RBFOX1: variants seen among roughly 807,000 people sequenced by gnomAD.
The protein encoded by RBFOX1 is RNA binding fox-1 homolog 1.
A neutral mutation model predicts 57.7 loss-of-function variants in RBFOX1; 8 were observed. The observed-to-expected ratio is 0.14, with a 90% CI of 0.08 to 0.25. The LOEUF (loss-of-function observed/expected upper bound fraction) is 0.25. Ranked by LOEUF, RBFOX1 falls within the 10% of genes least tolerant of loss-of-function variation. RBFOX1 has a pLI of 1.00. For missense variants in RBFOX1, 611 were observed against 548.5 expected, an observed-to-expected ratio of 1.11 and a Z score of -1.14; for synonymous variants, 326 against 222.4, an observed-to-expected ratio of 1.47 and a Z score of -4.15.
At chr16:6,973,458 T>G (rs1451969035) in intron 3 of RBFOX1, among the ~76,000 whole-genome samples, 3 of 152,176 alleles carry the variant, frequency 2.0e-5, no homozygotes, top group African/African-American at 7.2e-5. Context: ...ATGCAAGTAA[T>G]AGACTGTTGT....
rs138432203 is a variant in RBFOX1 at position 5,626,648 on chromosome 16, G to A, written c.318+27687G>A. Reference sequence around the variant, plus strand: ...CCGCCATGGGAATAAGGTGTCAAATGTTGACACGAGCTCCGATATTCATCA... The same window carrying A: ...CCGCCATGGGAATAAGGTGTCAAATATTGACACGAGCTCCGATATTCATCA... On this transcript the variant is annotated intron_variant, in intron 3 of 19. Coordinates refer to the RBFOX1 transcript ENST00000641259. 6.1e-3 allele frequency among the ~76,000 whole-genome samples: 935 copies of A among 152,208 alleles called. 6 individuals carry two copies. Among genetic ancestry groups the A allele is most frequent in the Non-Finnish European group, 1.0e-2 (679 of 68,026 alleles).
At chr16:5,689,050 G>A (rs546219458) in intron 3 of RBFOX1, among the ~76,000 whole-genome samples, 9 of 152,274 alleles carry the variant, frequency 5.9e-5, no homozygotes, top group Admixed American at 5.2e-4. Context: ...GACATCTTGT[G>A]TCACTTACCT....
chr16:5,761,400 G>C (rs2053583850), intron 3 of RBFOX1, among the ~76,000 whole-genome samples: 1 of 152,176 alleles, frequency 6.6e-6, no homozygotes, highest in Non-Finnish European at 1.5e-5. Flanking sequence ...TAGAGTCTTT[G>C]TATTAGCTGT....
At chr16:6,003,297 A>AAAT (rs2060633726) in intron 4 of RBFOX1, among the ~76,000 whole-genome samples, 1 of 150,964 alleles carries the variant, frequency 6.6e-6, no homozygotes, top group African/African-American at 2.4e-5. Flanking sequence ...AAAAAAAAAA[A>AAAT]AGCAATGAGA....
chr16:7,086,367 T>C (rs926629043), intron 4 of RBFOX1, among the ~76,000 whole-genome samples: 1 of 152,110 alleles, frequency 6.6e-6, no homozygotes, highest in Admixed American at 6.6e-5. Flanking sequence ...CCCTCTCCCC[T>C]TCTGTACATT....
At chr16:7,200,936 G>T (rs2346603) in intron 4 of RBFOX1, among the ~76,000 whole-genome samples, 5 of 152,006 alleles carry the variant, frequency 3.3e-5, no homozygotes, top group Non-Finnish European at 4.4e-5. Context: ...AGGCAAGAAG[G>T]TTTAAGATGG....
At chr16:5,252,950 A>C (rs1311216112) in intron 1 of RBFOX1, among the ~76,000 whole-genome samples, 1 of 152,094 alleles carries the variant, frequency 6.6e-6, no homozygotes, top group African/African-American at 2.4e-5. Context: ...TTCCACCATA[A>C]GCTTGTTCAC....
At chr16:6,561,593 C>G (rs368128617) in intron 2 of RBFOX1, among the ~76,000 whole-genome samples, 62 of 152,286 alleles carry the variant, frequency 4.1e-4, no homozygotes, top group African/African-American at 1.4e-3. Context: ...GTAGAACAAA[C>G]CAATTTTAGG....
chr16:6,864,955 C>G (rs916985384), intron 3 of RBFOX1, among the ~76,000 whole-genome samples: 7 of 149,848 alleles, frequency 4.7e-5, no homozygotes, highest in Admixed American at 1.3e-4. Context: ...AGCCCTGTTC[C>G]TCAATCCCAG....
intron 2 of RBFOX1, among the ~76,000 whole-genome samples, chr16:6,472,905 G>A (rs1235037934): frequency 6.6e-6 from 1 of 152,060 alleles, no homozygotes; most frequent in South Asian, 2.1e-4. Flanking sequence ...GATTATAGGC[G>A]TAAACCACTG....
At chr16:5,807,886 C>T (rs1027388224) in intron 3 of RBFOX1, among the ~76,000 whole-genome samples, 1 of 152,228 alleles carries the variant, frequency 6.6e-6, no homozygotes, top group Non-Finnish European at 1.5e-5. Flanking sequence ...AGCTGGACAA[C>T]TGGACACTTT....
intron 4 of RBFOX1, among the ~76,000 whole-genome samples, chr16:7,158,824 C>T (rs1018021052): frequency 6.6e-6 from 1 of 150,638 alleles, no homozygotes; most frequent in Non-Finnish European, 1.5e-5. Flanking sequence ...TCTCTAGTGT[C>T]AGCACTTGTT....
intron 3 of RBFOX1, among the ~76,000 whole-genome samples, chr16:6,868,816 C>G (rs192240658): frequency 6.6e-6 from 1 of 152,106 alleles, no homozygotes; most frequent in African/African-American, 2.4e-5. Flanking sequence ...TTTTGCTCCT[C>G]GAAAGATGGG....
At chr16:6,221,614 A>G (rs1014059482) in intron 1 of RBFOX1, among the ~76,000 whole-genome samples, 1 of 152,228 alleles carries the variant, frequency 6.6e-6, no homozygotes, top group African/African-American at 2.4e-5. Flanking sequence ...GCTAATAAAG[A>G]CATACCTGAC....
intron 2 of RBFOX1, among the ~76,000 whole-genome samples, chr16:6,412,599 T>A (rs1029471357): frequency 1.3e-5 from 2 of 152,266 alleles, no homozygotes; most frequent in Admixed American, 1.3e-4. Context: ...AAATACATTT[T>A]ACATTGAGGC....
At chr16:5,885,373 C>G (rs1382278009) in intron 4 of RBFOX1, among the ~76,000 whole-genome samples, 1 of 150,642 alleles carries the variant, frequency 6.6e-6, no homozygotes, top group Non-Finnish European at 1.5e-5. Context: ...CTTAAATCAT[C>G]CAATCTGCCA....
At chr16:7,228,184 G>A (rs766764844) in intron 4 of RBFOX1, among the ~76,000 whole-genome samples, 1 of 152,254 alleles carries the variant, frequency 6.6e-6, no homozygotes, top group Non-Finnish European at 1.5e-5. Context: ...TGGTTTGGTC[G>A]TGGTTGTGTG....
intron 4 of RBFOX1, among the ~76,000 whole-genome samples, chr16:7,116,848 G>A (rs967176409): frequency 1.3e-5 from 2 of 152,148 alleles, no homozygotes; most frequent in South Asian, 2.1e-4. Context: ...CCCCTCAAGG[G>A]TTTTGCAGTC....
intron 2 of RBFOX1, among the ~76,000 whole-genome samples, chr16:5,531,533 T>A (rs777984724): frequency 6.6e-6 from 1 of 152,190 alleles, no homozygotes; most frequent in Non-Finnish European, 1.5e-5. Context: ...AAAAATGTGT[T>A]TGAGCCTTGG....
Sources: allele counts gnomAD v4.1 joint callset (sites outside exome capture counted in the v4.1 genomes callset), GRCh38; gene constraint gnomAD v4.1.1; transcripts MANE v1.5; gene names NCBI Gene and HGNC (gene_info 2026-07-23, HGNC 2026-07-21).